Variants in FOXP1 observed in about 807,000 individuals in gnomAD.
FOXP1 encodes forkhead box P1.
FOXP1 carries 15 observed loss-of-function variants against 98.2 expected under a neutral mutation model. That is an observed-to-expected ratio of 0.15 (90% CI 0.10 to 0.24). The LOEUF (loss-of-function observed/expected upper bound fraction) is 0.24. FOXP1 is among the 10% of genes least tolerant of loss of function. FOXP1 has a pLI of 1.00. For missense variants in FOXP1, 633 were observed against 848.5 expected, an observed-to-expected ratio of 0.75 and a Z score of 3.15; for synonymous variants, 371 against 314.5, an observed-to-expected ratio of 1.18 and a Z score of -1.90.
intron 3 of FOXP1, among the ~76,000 whole-genome samples, chr3:71,409,613 G>A (rs1349281394): frequency 6.6e-6 from 1 of 151,902 alleles, no homozygotes; most frequent in South Asian, 2.1e-4. Flanking sequence ...GAGATCTCAG[G>A]CTATTCTGAC....
intron 6 of FOXP1, chr3:71,130,648 C>G (rs776071486): frequency 1.9e-6 from 3 of 1,597,252 alleles, no homozygotes; most frequent in Non-Finnish European, 2.5e-6. Flanking sequence ...TACTGTGCGG[C>G]TGAAGCACAC....
At chr3:70,977,090 A>T in intron 16 of FOXP1, 48 bp from the exon 17 acceptor site, 1 of 1,227,470 alleles carries the variant, frequency 8.1e-7, no homozygotes, top group East Asian at 2.3e-5. Context: ...AAATCAGCAG[A>T]GTCGTCATTC....
At chr3:71,359,673 A>C (rs1047928014) in intron 3 of FOXP1, among the ~76,000 whole-genome samples, 2 of 152,182 alleles carry the variant, frequency 1.3e-5, no homozygotes, top group African/African-American at 4.8e-5. Context: ...CTTGAACTAT[A>C]GGTGTGCGCC....
chr3:71,098,963 T>G (rs2056720914), intron 7 of FOXP1, among the ~76,000 whole-genome samples: 1 of 152,180 alleles, frequency 6.6e-6, no homozygotes, highest in Non-Finnish European at 1.5e-5. Flanking sequence ...ATTAAGTACT[T>G]TTTATATGTC....
intron 4 of FOXP1, among the ~76,000 whole-genome samples, chr3:71,315,104 A>AT (rs2074990262): frequency 1.5e-5 from 2 of 133,728 alleles, no homozygotes; most frequent in Admixed American, 7.4e-5. Flanking sequence ...AAAAAAAAAA[A>AT]AAAGAAAGAA....
At chr3:71,514,925 A>G (rs1242970212) in intron 2 of FOXP1, among the ~76,000 whole-genome samples, 1 of 152,200 alleles carries the variant, frequency 6.6e-6, no homozygotes, top group Non-Finnish European at 1.5e-5. Flanking sequence ...GACAAGAAAA[A>G]CAGTTCAAAG....
At chr3:70,972,789 T>C in intron 17 of FOXP1, 113 bp from the exon 18 acceptor site, 1 of 1,060,916 alleles carries the variant, frequency 9.4e-7, no homozygotes, top group East Asian at 2.6e-5. Context: ...CCAAGAGCTG[T>C]AGCTACCACC....
intron 4 of FOXP1, among the ~76,000 whole-genome samples, chr3:71,338,976 A>G (rs561249984): frequency 6.1e-4 from 93 of 152,338 alleles, no homozygotes; most frequent in Non-Finnish European, 1.1e-3. Flanking sequence ...GGGGAAAAAG[A>G]AGAAAAAGAA....
chr3:71,057,096 G>T (rs2050752496), intron 7 of FOXP1, among the ~76,000 whole-genome samples: 1 of 152,102 alleles, frequency 6.6e-6, no homozygotes, highest in Non-Finnish European at 1.5e-5. Context: ...TGAATGTCTG[G>T]AAAGCGGCTA....
At chr3:71,122,857 A>G (rs2058877350) in intron 6 of FOXP1, among the ~76,000 whole-genome samples, 2 of 152,214 alleles carry the variant, frequency 1.3e-5, no homozygotes, top group South Asian at 4.1e-4. Flanking sequence ...AAGGTCACTG[A>G]TTAGACCAAA....
At chr3:71,151,052 G>C (rs116662260) in intron 6 of FOXP1, among the ~76,000 whole-genome samples, 5 of 152,166 alleles carry the variant, frequency 3.3e-5, no homozygotes, top group Admixed American at 1.3e-4. Context: ...TGGTTTAAGA[G>C]CACTGGCTTT....
intron 4 of FOXP1, among the ~76,000 whole-genome samples, chr3:71,326,438 T>C (rs561479094): frequency 4.6e-5 from 7 of 151,838 alleles, no homozygotes; most frequent in African/African-American, 1.7e-4. Flanking sequence ...ACAACAACAA[T>C]AATAACAACA....
chr3:71,012,478 G>A (rs2043797650), intron 12 of FOXP1, among the ~76,000 whole-genome samples: 1 of 152,154 alleles, frequency 6.6e-6, no homozygotes. Flanking sequence ...ACATCTAGAA[G>A]CAATTTTGGA....
intron 5 of FOXP1, among the ~76,000 whole-genome samples, chr3:71,200,721 G>A (rs929936156): frequency 6.6e-6 from 1 of 152,232 alleles, no homozygotes; most frequent in African/African-American, 2.4e-5. Flanking sequence ...AAGGACATAT[G>A]TACAACCAAT....
chr3:71,493,694 A>G (rs139916961), intron 2 of FOXP1, 139 bp from the exon 3 acceptor site: 1 of 152,348 alleles, frequency 6.6e-6, no homozygotes, highest in African/African-American at 2.4e-5. Flanking sequence ...TCAATACATC[A>G]AGTGTGATGC....
intron 7 of FOXP1, among the ~76,000 whole-genome samples, chr3:71,091,316 C>T (rs2055814621): frequency 6.6e-6 from 1 of 151,852 alleles, no homozygotes; most frequent in Non-Finnish European, 1.5e-5. Flanking sequence ...ATGAAGAAAC[C>T]CCGTCTCTAC....
chr3:71,139,523 A>G (rs1161959180), intron 6 of FOXP1, among the ~76,000 whole-genome samples: 1 of 151,390 alleles, frequency 6.6e-6, no homozygotes, highest in African/African-American at 2.4e-5. Flanking sequence ...TAATTGATCT[A>G]CTCTGCCCTT....
At chr3:71,351,735 C>T (rs967390723) in intron 4 of FOXP1, among the ~76,000 whole-genome samples, 1 of 152,130 alleles carries the variant, frequency 6.6e-6, no homozygotes, top group Non-Finnish European at 1.5e-5. Flanking sequence ...GGAGGGAGAC[C>T]CTCTCACTTT....
chr3:71,368,187 T>TAC (rs2079052931), intron 3 of FOXP1, among the ~76,000 whole-genome samples: 1 of 151,218 alleles, frequency 6.6e-6, no homozygotes, highest in African/African-American at 2.4e-5. Context: ...TACAATGGTG[T>TAC]GATCTCGGCT....
Sources: gnomAD v4.1 joint callset for allele counts (sites outside exome capture counted in the v4.1 genomes callset) on GRCh38, gnomAD v4.1.1 for gene constraint, MANE v1.5 for transcripts, NCBI Gene and HGNC (gene_info 2026-07-23, HGNC 2026-07-21) for gene names.